ADAR: variants seen among roughly 807,000 people sequenced by gnomAD.
ADAR encodes the protein adenosine deaminase RNA specific, also known as double-stranded RNA-specific adenosine deaminase.
In ADAR, 41 loss-of-function variants were observed where a neutral mutation model predicts 113.2. The observed-to-expected ratio is 0.36, with a 90% CI of 0.28 to 0.47. The LOEUF is 0.47. Ranked by LOEUF, ADAR falls within the 20% of genes least tolerant of loss-of-function variation. ADAR has a pLI of 1.00. For synonymous variants in ADAR, 605 were observed against 572.6 expected, an observed-to-expected ratio of 1.06 and a Z score of -0.81; for missense variants, 1,242 against 1,540.9, an observed-to-expected ratio of 0.81 and a Z score of 3.25.
chr1:154,585,904 C>A (rs374073667), intron 12 of ADAR, 39 bp from the exon 13 acceptor site: 1 of 1,551,362 alleles, frequency 6.4e-7, no homozygotes, highest in East Asian at 2.2e-5. Flanking sequence ...CCTGTGTTTG[C>A]ACCAAATGCT....
Position 154,584,933 on chromosome 1 carries a change from G to A in ADAR, c.3554C>T (p.Ala1185Val). ...RDLLRLSYGE[A>V]KKAARDYETA... ...CTCGTAGTCACGGGCAGCTTTCTTG[G>A]CCTCACCATAGGAGAGTCTCAGTAG... Residue 1185 changes from alanine (A) to valine (V), a missense_variant, in exon 15 of 15, where the codon GCC (alanine) becomes GTC (valine). This residue lies in a region of ADAR where 780 missense variants were observed against 1,057.9 expected (regional missense o/e 0.74). Transcript: ENST00000368474. The A allele has an allele frequency of 6.2e-7, 1 of 1,614,178 alleles. No individual in the cohort carries two copies. Among genetic ancestry groups the A allele is most frequent in the Non-Finnish European group, 8.5e-7 (1 of 1,180,032 alleles).
chr1:154,623,591 T>C (rs557618902), intron 1 of ADAR, among the ~76,000 whole-genome samples: 39 of 152,296 alleles, frequency 2.6e-4, no homozygotes, highest in African/African-American at 9.1e-4. Context: ...TGTAGACCTC[T>C]CCAATTGTGG....
intron 6 of ADAR, among the ~76,000 whole-genome samples, chr1:154,595,401 T>A (rs1219790092): frequency 6.6e-6 from 1 of 152,098 alleles, no homozygotes. Flanking sequence ...GGACAAGACG[T>A]GGAGGTGGAA....
intron 4 of ADAR, 97 bp downstream of exon 4, chr1:154,597,731 T>A: frequency 6.6e-7 from 1 of 1,519,424 alleles, no homozygotes; most frequent in South Asian, 1.1e-5. Context: ...ACAGGAGAAA[T>A]TGGTCAATCT....
intron 8 of ADAR, 141 bp from the exon 9 acceptor site, chr1:154,589,603 G>GAACT (rs1696989624): frequency 8.3e-7 from 1 of 1,198,820 alleles, no homozygotes; most frequent in African/African-American, 1.5e-5. Flanking sequence ...TCTCCTCTAG[G>GAACT]AACTAAGAAC....
rs1414484436 is a variant in ADAR at position 154,582,737 on chromosome 1, G to A, written c.*2069C>T. On this transcript the variant is annotated 3_prime_UTR_variant, in exon 15 of 15. Coordinates refer to ENST00000368474, the MANE Select transcript of ADAR (RefSeq NM_001111.5). The stretch of plus-strand genomic sequence containing the variant: ...GGCCAAACAACCTGAGGACTCAGCA[G>A]GTGACAACCCTGTAGCCTGAAGAGG... 6.6e-6 allele frequency: 1 copy of A among 152,290 alleles called. No homozygotes were observed. Among genetic ancestry groups the A allele is most frequent in the Non-Finnish European group, 1.5e-5 (1 of 68,126 alleles). The allele number at this position is 152,290 out of a possible 1,614,324, so 9.4% of individuals were successfully genotyped here.
upstream of ADAR, among the ~76,000 whole-genome samples, chr1:154,612,326 T>A (rs1488561846): frequency 1.5e-5 from 2 of 129,070 alleles, no homozygotes; most frequent in South Asian, 5.6e-4. Context: ...CAGTTTTTTT[T>A]TTTTTTTTTT....
At chr1:154,612,237 T>C (rs188745515), upstream of ADAR, among the ~76,000 whole-genome samples, 524 of 151,970 alleles carry the variant, frequency 3.4e-3, 2 homozygotes, top group African/African-American at 0.012. Flanking sequence ...CATACAGTGA[T>C]ACTGGGACAG....
chr1:154,597,159 A>G lies in ADAR; in HGVS notation c.2043T>C (p.His681=). The change falls in exon 5 of 15, where the codon CAT becomes CAC. Residue 681 remains histidine (H), a synonymous_variant. Coordinates refer to ENST00000368474, the MANE Select transcript of ADAR (RefSeq NM_001111.5). The part of the protein sequence containing the change: ...MAAEEAMKAL[H]GEATNSMASD... ...AAGCCATGGAGTTGGTCGCCTCCCC[A>G]TGCAGGGCCTTCATGGCTTCCTCTG... is the stretch of plus-strand genomic sequence containing the variant. 6.2e-7 allele frequency: 1 copy of G among 1,614,152 alleles called. No individual in the cohort carries two copies. Among genetic ancestry groups the G allele is most frequent in the Non-Finnish European group, 8.5e-7 (1 of 1,180,020 alleles).
At chr1:154,612,318 GTTTTTTTTTTTTTTTT>G (rs55714254), upstream of ADAR, among the ~76,000 whole-genome samples, 2 of 69,178 alleles carry the variant, frequency 2.9e-5, no homozygotes, top group Non-Finnish European at 5.0e-5. Flanking sequence ...AAATTACTCA[GTTTTTTTTTTTTTTTT>G]TTTTTTTTTT....
chr1:154,608,306 C>A, upstream of ADAR: 1 of 470,692 alleles, frequency 2.1e-6, no homozygotes, highest in Admixed American at 4.4e-5. Context: ...AACCCCTCCG[C>A]TGCATGAGAA....
intron 1 of ADAR, among the ~76,000 whole-genome samples, chr1:154,606,328 G>A (rs946008053): frequency 4.6e-5 from 7 of 152,096 alleles, no homozygotes; most frequent in African/African-American, 9.7e-5. Flanking sequence ...TACCACGCCC[G>A]GCCAGTTATT....
chr1:154,610,623 A>AC (rs1282572414), upstream of ADAR, among the ~76,000 whole-genome samples: 2 of 152,012 alleles, frequency 1.3e-5, no homozygotes, highest in Non-Finnish European at 2.9e-5. Context: ...ATCCTGGCCA[A>AC]CATAGTGAAA....
Position 154,584,717 on chromosome 1 carries a change from A to G in ADAR, c.*89T>C. 1 of 1,175,022 alleles carries G rather than the reference A, an allele frequency of 8.5e-7. No individual in the cohort carries two copies. The highest frequency in any genetic ancestry group is 2.1e-5 in the Admixed American group (1 of 47,342). The allele number at this position is 1,175,022 out of a possible 1,614,324, so 72.8% of individuals were successfully genotyped here. A position where few individuals can be genotyped will look rare whatever the true frequency, so the allele number is the denominator to read the frequency against. ...AAAGAAAAAAAAAGGAGAAAAAAAA[A>G]TCCCCTGACCATGTGATGAGGAATG... On this transcript the variant is annotated 3_prime_UTR_variant, in exon 15 of 15. Coordinates refer to ENST00000368474, the MANE Select transcript of ADAR (RefSeq NM_001111.5).
intron 2 of ADAR, among the ~76,000 whole-genome samples, chr1:154,599,008 A>G (rs1182205211): frequency 6.6e-6 from 1 of 152,228 alleles, no homozygotes. Context: ...AAGATAGTGA[A>G]GGCTTCTTAT....
intron 12 of ADAR, 150 bp downstream of exon 12, chr1:154,586,031 C>G: frequency 2.5e-6 from 3 of 1,223,312 alleles, no homozygotes; most frequent in Non-Finnish European, 3.6e-6. Context: ...ATCTTCCTAC[C>G]ACAGCAGACT....
rs200154789 is a variant in ADAR, at chr1:154,588,288, A to T, written c.2886-30T>A. ...AAAACAGGGGTGGCTGTTAAAACTC[A>T]CCTGTGGGAAATCTGCAATTTCGTG... On this transcript the variant is annotated intron_variant, in intron 10 of 14. Coordinates refer to ENST00000368474, the MANE Select transcript of ADAR (RefSeq NM_001111.5). The T allele has an allele frequency of 2.4e-4, 390 of 1,613,708 alleles. 1 individual carries two copies. The African/African-American group carries it at 4.3e-3, about 18-fold the overall frequency.
At chr1:154,612,455 G>C (rs1698513761), upstream of ADAR, among the ~76,000 whole-genome samples, 3 of 149,936 alleles carry the variant, frequency 2.0e-5, no homozygotes, top group Middle Eastern at 3.5e-3. Context: ...AGCCTCCCGA[G>C]TGGCTGGGAC....
intron 13 of ADAR, 128 bp from the exon 14 acceptor site, chr1:154,585,472 T>C (rs1696697939): frequency 7.0e-7 from 1 of 1,419,624 alleles, no homozygotes; most frequent in Non-Finnish European, 9.8e-7. Flanking sequence ...TTTAGGGTTC[T>C]GTTTGGCTAA....
Sources: gnomAD v4.1 joint callset for allele counts (sites outside exome capture counted in the v4.1 genomes callset) on GRCh38, gnomAD v4.1.1 for gene constraint, gnomAD v4.1.1 regional missense constraint, MANE v1.5 for transcripts, NCBI Gene and HGNC (gene_info 2026-07-23, HGNC 2026-07-21) for gene names.